CRBN: variants seen among roughly 807,000 people sequenced by gnomAD.
CRBN encodes the protein protein cereblon.
Under a neutral mutation model 62.2 loss-of-function variants are expected in CRBN, and 53 were observed. The ratio of observed to expected loss-of-function variants is 0.85; its 90% confidence interval spans 0.68 to 1.07. The LOEUF is 1.07. Ranked by LOEUF, CRBN falls within the 50% of genes least tolerant of loss-of-function variation. CRBN has a pLI of 0.00. For synonymous variants in CRBN, 208 were observed against 176.1 expected (o/e 1.18, Z -1.43); for missense variants, 616 against 531.1 (o/e 1.16, Z -1.57).
chr3:3,175,352 T>G, intron 1 of CRBN, 83 bp from the exon 2 acceptor site: 1 of 1,031,598 alleles, frequency 9.7e-7, no homozygotes, highest in Non-Finnish European at 1.5e-6. Context: ...AAAAGAGGGG[T>G]ACTTCTAAAA....
chr3:3,174,137 T>G lies in CRBN; in HGVS notation c.299A>C (p.Gln100Pro). Residue 100 changes from glutamine to proline, a missense_variant, in exon 3 of 11, where the codon CAG becomes CCG. Coordinates refer to ENST00000231948, the MANE Select transcript of CRBN (RefSeq NM_016302.4). ...ACTGACTTCTTGAGGGTGAAAAAGC[T>G]GAAGAGGTAATGTCTGTCCGGGAAT... is the stretch of plus-strand genomic sequence containing the variant. ...ILIPGQTLPL[Q>P]LFHPQEVSMV... 1 of 1,614,180 alleles carries G rather than the reference T, an allele frequency of 6.2e-7. No individual in the cohort carries two copies. Among genetic ancestry groups the G allele is most frequent in the Non-Finnish European group, 8.5e-7 (1 of 1,180,020 alleles).
chr3:3,170,412 A>T lies in CRBN; in HGVS notation c.527+2364T>A, dbSNP rs370341416. 4.6e-5 allele frequency among the ~76,000 whole-genome samples: 7 copies of T among 152,224 alleles called. No individual in the cohort carries two copies. In the East Asian group the frequency reaches 5.8e-4, roughly 13 times the overall value. The stretch of plus-strand genomic sequence containing the variant: ...TGAATATTAAATATTTTACTGGAGA[A>T]AGGGAAGCTGGCTTGAGTTTCAAAT... On this transcript the variant is annotated intron_variant, in intron 4 of 10. Transcript: ENST00000231948.
chr3:3,178,019 A>AAC (rs1211863879), intron 1 of CRBN, among the ~76,000 whole-genome samples: 14 of 150,880 alleles, frequency 9.3e-5, no homozygotes, highest in Admixed American at 5.9e-4. Context: ...AAAACAAACA[A>AAC]AAAAAAAACA....
chr3:3,166,070 T>C (rs711619), intron 5 of CRBN, among the ~76,000 whole-genome samples: 128,387 of 152,176 alleles, frequency 0.84, 56,710 homozygotes, highest in East Asian at 0.98. Context: ...AAAGTGTCTG[T>C]ATCTGGTATG....
At chr3:3,174,897 A>G (rs527338091) in intron 2 of CRBN, among the ~76,000 whole-genome samples, 28 of 152,350 alleles carry the variant, frequency 1.8e-4, no homozygotes, top group African/African-American at 6.7e-4. Context: ...ATAACACTCT[A>G]GTACCTAGAA....
chr3:3,157,006 T>C (rs1706920744), intron 5 of CRBN, among the ~76,000 whole-genome samples: 1 of 152,232 alleles, frequency 6.6e-6, no homozygotes, highest in Non-Finnish European at 1.5e-5. Context: ...GACTCAATAC[T>C]GTTAAGATGT....
chr3:3,155,158 C>A (rs1706828792), intron 6 of CRBN: 1 of 312,902 alleles, frequency 3.2e-6, no homozygotes, highest in Non-Finnish European at 6.0e-6. Flanking sequence ...TGACCCAGTC[C>A]ATAGGGATTA....
At chr3:3,162,029 G>T (rs968559772) in intron 5 of CRBN, among the ~76,000 whole-genome samples, 4 of 152,204 alleles carry the variant, frequency 2.6e-5, no homozygotes, top group African/African-American at 9.6e-5. Context: ...TAATCTGGGA[G>T]ATTACGTATG....
At chr3:3,154,962 T>C (rs1046719497) in intron 6 of CRBN, 131 bp from the exon 7 acceptor site, 1 of 676,464 alleles carries the variant, frequency 1.5e-6, no homozygotes, top group Non-Finnish European at 2.7e-6. Context: ...CCAGTTTAAA[T>C]GCCTCCATTT....
intron 3 of CRBN, 145 bp downstream of exon 3, chr3:3,173,914 T>G: frequency 1.4e-6 from 1 of 726,302 alleles, no homozygotes; most frequent in Non-Finnish European, 2.4e-6. Context: ...ACTATCAAAC[T>G]TCTACTTAAC....
chr3:3,179,706 G>C (rs770807773), upstream of CRBN: 5 of 1,611,846 alleles, frequency 3.1e-6, no homozygotes, highest in East Asian at 4.5e-5. Context: ...ACCCGCAAAG[G>C]AGGCTGGGAC....
Position 3,175,178 on chromosome 3 carries a change from C to T in CRBN, c.159G>A (p.Leu53=). The T allele has an allele frequency of 6.2e-7, 1 of 1,608,684 alleles. No homozygotes were observed. The highest frequency in any genetic ancestry group is 8.5e-7 in the Non-Finnish European group (1 of 1,175,298). The change falls in exon 2 of 11, where the codon CTG becomes CTA. Residue 53 remains leucine, a synonymous_variant. Coordinates refer to ENST00000231948, the MANE Select transcript of CRBN (RefSeq NM_016302.4). ...AATTACATACTGTATGTGATGTCGG[C>T]AGACTGGTGTCAAAATTTATGATGT... is the stretch of plus-strand genomic sequence containing the variant. The part of the protein sequence containing the change: ...KPNIINFDTS[L]PTSHTYLGAD...
intron 5 of CRBN, among the ~76,000 whole-genome samples, chr3:3,167,118 G>T (rs1707382046): frequency 2.0e-5 from 3 of 151,964 alleles, no homozygotes; most frequent in Non-Finnish European, 4.4e-5. Context: ...TATAACATAG[G>T]AATTAGTGCC....
intron 4 of CRBN, chr3:3,172,299 A>G (rs1266587460): frequency 6.2e-6 from 1 of 161,928 alleles, no homozygotes; most frequent in Admixed American, 5.9e-5. Flanking sequence ...CAGTAGGCAG[A>G]TGTAACCAGT....
chr3:3,152,349 CTACTTTTTATTA>C (rs1706625419), intron 10 of CRBN, 95 bp downstream of exon 10: 12 of 1,232,710 alleles, frequency 9.7e-6, no homozygotes, highest in Middle Eastern at 1.9e-4. Context: ...ATTTGTCTGT[CTACTTTTTATTA>C]TAAAGATTGT....
At chr3:3,175,978 T>C (rs1377523782) in intron 1 of CRBN, among the ~76,000 whole-genome samples, 8 of 152,190 alleles carry the variant, frequency 5.3e-5, no homozygotes, top group African/African-American at 1.7e-4. Context: ...GCTGTTAACC[T>C]TGATCACCTG....
intron 5 of CRBN, among the ~76,000 whole-genome samples, chr3:3,164,296 GC>G (rs1247796140): frequency 1.3e-5 from 2 of 152,200 alleles, no homozygotes; most frequent in African/African-American, 4.8e-5. Context: ...GAGGCCAAAC[GC>G]TAGGCCTCCT....
intron 5 of CRBN, among the ~76,000 whole-genome samples, chr3:3,166,569 G>A (rs1707360352): frequency 6.6e-6 from 1 of 152,140 alleles, no homozygotes; most frequent in African/African-American, 2.4e-5. Context: ...TCTTAAAGCA[G>A]TCTAATTATA....
chr3:3,167,379 A>G, intron 5 of CRBN: 1 of 357,954 alleles, frequency 2.8e-6, no homozygotes, highest in South Asian at 3.3e-5. Flanking sequence ...GGAATTAAAA[A>G]TCAAAAGCGA....
Sources: gnomAD v4.1 joint callset for allele counts (sites outside exome capture counted in the v4.1 genomes callset) on GRCh38, gnomAD v4.1.1 for gene constraint, MANE v1.5 for transcripts, NCBI Gene and HGNC (gene_info 2026-07-23, HGNC 2026-07-21) for gene names.